Variants in RBFOX1 observed in about 807,000 individuals in gnomAD.
RBFOX1 encodes the protein RNA binding fox-1 homolog 1, also known as RNA binding protein fox-1 homolog 1.
Under a neutral mutation model 57.7 loss-of-function variants are expected in RBFOX1, and 8 were observed. The ratio of observed to expected loss-of-function variants is 0.14; its 90% CI spans 0.08 to 0.25. The LOEUF (loss-of-function observed/expected upper bound fraction) is 0.25. RBFOX1 is among the 10% of genes least tolerant of loss of function. The probability of loss-of-function intolerance (pLI) is 1.00; values close to 1 mark genes in which losing one functional copy is unlikely to be tolerated. For missense variants in RBFOX1, 611 were observed against 548.5 expected, an observed-to-expected ratio of 1.11 and a Z score of -1.14; for synonymous variants, 326 against 222.4, an observed-to-expected ratio of 1.47 and a Z score of -4.15.
At chr16:5,670,369 T>A (rs1182018676) in intron 3 of RBFOX1, among the ~76,000 whole-genome samples, 1 of 152,160 alleles carries the variant, frequency 6.6e-6, no homozygotes, top group African/African-American at 2.4e-5. Context: ...ATTAAACAAC[T>A]AGATGGAGCA....
chr16:7,100,923 G>A (rs550998237), intron 4 of RBFOX1, among the ~76,000 whole-genome samples: 4 of 152,160 alleles, frequency 2.6e-5, no homozygotes, highest in African/African-American at 7.2e-5. Context: ...CAAGTACAAG[G>A]GATTTTTTTT....
chr16:7,174,850 C>G (rs960140513), intron 4 of RBFOX1, among the ~76,000 whole-genome samples: 1 of 152,148 alleles, frequency 6.6e-6, no homozygotes, highest in Admixed American at 6.6e-5. Flanking sequence ...TATTCAATAT[C>G]CCCACCAGCA....
At chr16:6,103,799 A>G (rs951863064) in intron 1 of RBFOX1, among the ~76,000 whole-genome samples, 1 of 152,178 alleles carries the variant, frequency 6.6e-6, no homozygotes, top group African/African-American at 2.4e-5. Flanking sequence ...AGCATGGGAA[A>G]GAGTCTCCCT....
chr16:5,728,417 A>C (rs1045589633), intron 3 of RBFOX1, among the ~76,000 whole-genome samples: 2 of 152,198 alleles, frequency 1.3e-5, no homozygotes, highest in Non-Finnish European at 2.9e-5. Flanking sequence ...AAGCATTTGC[A>C]TATTTGAAGG....
At chr16:6,536,868 T>C (rs1468999032) in intron 2 of RBFOX1, among the ~76,000 whole-genome samples, 1 of 152,172 alleles carries the variant, frequency 6.6e-6, no homozygotes, top group African/African-American at 2.4e-5. Flanking sequence ...ATGATAACAT[T>C]TTCAGAATCT....
At chr16:6,141,097 C>G (rs1329041125) in intron 1 of RBFOX1, among the ~76,000 whole-genome samples, 1 of 152,206 alleles carries the variant, frequency 6.6e-6, no homozygotes, top group Non-Finnish European at 1.5e-5. Context: ...CATGTCTTCT[C>G]TCTCAGGCAC....
chr16:5,683,891 C>T (rs1029740175), intron 3 of RBFOX1, among the ~76,000 whole-genome samples: 1 of 151,354 alleles, frequency 6.6e-6, no homozygotes, highest in Non-Finnish European at 1.5e-5. Flanking sequence ...TGCCTAAGGT[C>T]TTCCCCTAAA....
chr16:7,698,969 T>TA (rs899496668), intron 14 of RBFOX1, among the ~76,000 whole-genome samples: 8 of 152,242 alleles, frequency 5.3e-5, no homozygotes, highest in African/African-American at 1.9e-4. Context: ...TGCAGAATTT[T>TA]AAAAAATGGA....
chr16:7,185,379 C>T (rs185663626), intron 4 of RBFOX1, among the ~76,000 whole-genome samples: 2 of 152,236 alleles, frequency 1.3e-5, no homozygotes, highest in African/African-American at 4.8e-5. Flanking sequence ...CAGGCAATTT[C>T]CTTAATGCAT....
chr16:7,292,031 T>C (rs1221063769), intron 4 of RBFOX1, among the ~76,000 whole-genome samples: 1 of 141,192 alleles, frequency 7.1e-6, no homozygotes, highest in African/African-American at 2.6e-5. Flanking sequence ...TATTATATTA[T>C]ACAATTATAG....
intron 4 of RBFOX1, among the ~76,000 whole-genome samples, chr16:5,917,233 C>T (rs1296876271): frequency 1.3e-5 from 2 of 152,150 alleles, no homozygotes; most frequent in Non-Finnish European, 2.9e-5. Flanking sequence ...GAGAGACTTG[C>T]TAAAGGGCTC....
At chr16:6,939,282 C>G (rs574958812) in intron 3 of RBFOX1, among the ~76,000 whole-genome samples, 1 of 151,978 alleles carries the variant, frequency 6.6e-6, no homozygotes, top group Non-Finnish European at 1.5e-5. Flanking sequence ...TAATATGAGT[C>G]ATTATTTTGG....
intron 3 of RBFOX1, among the ~76,000 whole-genome samples, chr16:6,925,018 C>G (rs1279435967): frequency 6.8e-6 from 1 of 146,770 alleles, no homozygotes; most frequent in Non-Finnish European, 1.5e-5. Context: ...GACATGAACT[C>G]ATCATTTTTT....
intron 3 of RBFOX1, among the ~76,000 whole-genome samples, chr16:6,906,473 A>C (rs1344597819): frequency 1.3e-5 from 2 of 152,174 alleles, no homozygotes; most frequent in African/African-American, 2.4e-5. Flanking sequence ...AAATAATTTG[A>C]AATAAGAGTG....
At chr16:6,371,273 G>C (rs2090397725) in intron 2 of RBFOX1, among the ~76,000 whole-genome samples, 1 of 152,112 alleles carries the variant, frequency 6.6e-6, no homozygotes, top group Non-Finnish European at 1.5e-5. Context: ...ATTCTTGTCT[G>C]AGTCAATTAT....
At chr16:6,024,298 G>A (rs917838387) in intron 1 of RBFOX1, among the ~76,000 whole-genome samples, 1 of 152,110 alleles carries the variant, frequency 6.6e-6, no homozygotes. Context: ...ATTGTCGTGG[G>A]GGAAGCCGCG....
At chr16:7,472,783 A>G (rs2061806261) in intron 4 of RBFOX1, among the ~76,000 whole-genome samples, 1 of 152,236 alleles carries the variant, frequency 6.6e-6, no homozygotes, top group Non-Finnish European at 1.5e-5. Context: ...AGTTACAGAA[A>G]GTATACTTGT....
At chr16:5,941,455 G>C (rs774103826) in intron 4 of RBFOX1, among the ~76,000 whole-genome samples, 1 of 150,900 alleles carries the variant, frequency 6.6e-6, no homozygotes, top group Non-Finnish European at 1.5e-5. Flanking sequence ...GCTCTTCTGC[G>C]CTCCAGCCTG....
At chr16:5,697,785 G>C (rs905618519) in intron 3 of RBFOX1, among the ~76,000 whole-genome samples, 2 of 152,108 alleles carry the variant, frequency 1.3e-5, no homozygotes, top group African/African-American at 2.4e-5. Context: ...GCCTGCCTCA[G>C]CCTCCCAAAG....
Sources: gnomAD v4.1 joint callset for allele counts (sites outside exome capture counted in the v4.1 genomes callset) on GRCh38, gnomAD v4.1.1 for gene constraint, MANE v1.5 for transcripts, NCBI Gene and HGNC (gene_info 2026-07-23, HGNC 2026-07-21) for gene names.